The following ACSF3 variants were observed in gnomAD, a reference collection of about 807,000 sequenced individuals.
The protein encoded by ACSF3 is acyl-CoA synthetase family member 3.
A neutral mutation model predicts 53.2 loss-of-function variants in ACSF3; 78 were observed. The ratio of observed to expected loss-of-function variants is 1.47; its 90% CI spans 1.22 to 1.77. The LOEUF (loss-of-function observed/expected upper bound fraction) is 1.77, where lower values mean the gene tolerates loss of function less well. Among genes scored for constraint, ACSF3 ranks in the 40% most tolerant of loss-of-function variants. The pLI is 0.00. For missense variants in ACSF3, 937 were observed against 771.1 expected (o/e 1.22, Z -2.55); for synonymous variants, 414 against 333.1 (o/e 1.24, Z -2.65).
At chr16:89,145,426 G>T in intron 9 of ACSF3, 25 bp downstream of exon 9, 1 of 1,613,578 alleles carries the variant, frequency 6.2e-7, no homozygotes. Flanking sequence ...TTGGGCCAGG[G>T]AGGCCAGGCT....
At chr16:89,109,769 C>T (rs1976472657) in intron 4 of ACSF3, among the ~76,000 whole-genome samples, 1 of 152,042 alleles carries the variant, frequency 6.6e-6, no homozygotes, top group Non-Finnish European at 1.5e-5. Flanking sequence ...ATTATTTTTG[C>T]AGAAACAGAG....
intron 6 of ACSF3, 131 bp from the exon 7 acceptor site, chr16:89,120,670 C>G (rs1200379673): frequency 1.2e-6 from 1 of 861,700 alleles, no homozygotes; most frequent in Non-Finnish European, 2.0e-6. Flanking sequence ...TCACAGGGCA[C>G]GTCGCTCCCT....
intron 6 of ACSF3, among the ~76,000 whole-genome samples, chr16:89,120,531 G>T (rs1652093221): frequency 6.6e-6 from 1 of 152,262 alleles, no homozygotes; most frequent in South Asian, 2.1e-4. Context: ...GGCCCAGCGT[G>T]CCACGTGAGT....
In ACSF3 at chr16:89,142,237, A is replaced by G. The variant is rs541032805; in HGVS notation, c.1367-3030A>G. ...GGCCCAGGGAATGGACAACTCCCCAAGCTGCCCCCACCAGTCCTTCCTGAG... is the reference window on the plus strand; with the variant it reads ...GGCCCAGGGAATGGACAACTCCCCAGGCTGCCCCCACCAGTCCTTCCTGAG... On this transcript the variant is annotated intron_variant, in intron 8 of 10. Coordinates refer to ENST00000614302, the MANE Select transcript of ACSF3 (RefSeq NM_001243279.3). 2.0e-4 allele frequency among the ~76,000 whole-genome samples: 31 copies of G among 152,280 alleles called. No individual in the cohort carries two copies. The South Asian group carries it at 3.7e-3, about 18-fold the overall frequency.
intron 8 of ACSF3, among the ~76,000 whole-genome samples, chr16:89,140,331 C>T (rs775114583): frequency 2.0e-5 from 3 of 152,184 alleles, no homozygotes; most frequent in Non-Finnish European, 2.9e-5. Flanking sequence ...TGCCTCTGTA[C>T]ACACACAGGC....
chr16:89,141,095 A>T, intron 8 of ACSF3: 1 of 1,286,562 alleles, frequency 7.8e-7, no homozygotes, highest in East Asian at 5.6e-5. Flanking sequence ...GAGCCCTCTG[A>T]ACCTTCTGAG....
Position 89,154,462 on chromosome 16 carries a change from T to C in ACSF3, c.*255T>C, listed in dbSNP as rs1914499018. 3.2e-6 allele frequency: 2 copies of C among 628,476 alleles called. No individual in the cohort carries two copies. 38.9% of individuals were successfully genotyped at this position (628,476 alleles called of 1,614,324 possible). A position where few individuals can be genotyped will look rare whatever the true frequency, so the allele number is the denominator to read the frequency against. ...CGCCGACCTCATCTGTGCAGCGCGG[T>C]GCAGCCAGCCCCTGGCCCCACGTGC... On this transcript the variant is annotated 3_prime_UTR_variant, in exon 11 of 11. Coordinates refer to ENST00000614302, the MANE Select transcript of ACSF3 (RefSeq NM_001243279.3).
chr16:89,141,958 T>G (rs1260393159), intron 8 of ACSF3, among the ~76,000 whole-genome samples: 2 of 152,172 alleles, frequency 1.3e-5, no homozygotes, highest in Admixed American at 6.5e-5. Flanking sequence ...CTGCACTGAT[T>G]GGCTTCGCCC....
intron 8 of ACSF3, among the ~76,000 whole-genome samples, chr16:89,142,832 G>T (rs112298222): frequency 2.6e-5 from 4 of 152,348 alleles, no homozygotes; most frequent in African/African-American, 9.6e-5. Context: ...TAAGGAGACG[G>T]GGTCTCGCAG....
At chr16:89,134,924 A>G (rs991515993) in intron 8 of ACSF3, among the ~76,000 whole-genome samples, 1 of 152,120 alleles carries the variant, frequency 6.6e-6, no homozygotes, top group African/African-American at 2.4e-5. Context: ...GGATATTTGG[A>G]TAGCAGACGT....
chr16:89,120,102 G>C (rs375596290), intron 6 of ACSF3, among the ~76,000 whole-genome samples: 1 of 152,260 alleles, frequency 6.6e-6, no homozygotes, highest in African/African-American at 2.4e-5. Context: ...CAGGCAGAGC[G>C]AGGCTGCGGC....
Position 89,102,665 on chromosome 16 carries a change from C to T in ACSF3, c.728C>T (p.Pro243Leu), listed in dbSNP as rs140986055. 77 of 1,613,898 alleles carry T rather than the reference C, an allele frequency of 4.8e-5. No homozygotes were observed. In the African/African-American group the frequency reaches 7.6e-4, roughly 16 times the overall value. ...GACGACGTGATCCTCCACGTGCTCCCGCTGCACCACGTCCATGGTGTGGTC... is the reference window on the plus strand; with the variant it reads ...GACGACGTGATCCTCCACGTGCTCCTGCTGCACCACGTCCATGGTGTGGTC... ...TKDDVILHVL[P>L]LHHVHGVVNA... Residue 243 changes from proline (P) to leucine (L), a missense_variant, in exon 4 of 11, where the codon CCG becomes CTG. Transcript: ENST00000614302.
chr16:89,114,179 C>A, intron 5 of ACSF3, 160 bp from the exon 6 acceptor site: 1 of 909,918 alleles, frequency 1.1e-6, no homozygotes, highest in Non-Finnish European at 1.7e-6. Context: ...TCCCGGGTGT[C>A]GCACAGTGGT....
chr16:89,133,339 C>A, intron 8 of ACSF3, 77 bp downstream of exon 8: 2 of 1,593,260 alleles, frequency 1.3e-6, no homozygotes, highest in Non-Finnish European at 1.7e-6. Context: ...CGTTGAGTGA[C>A]ACCGAGGCTG....
At chr16:89,136,779 A>G (rs1414492798) in intron 8 of ACSF3, 1 of 1,287,272 alleles carries the variant, frequency 7.8e-7, no homozygotes, top group Admixed American at 2.3e-5. Flanking sequence ...CGGGCTTGTG[A>G]GGCCAGGGGT....
chr16:89,131,515 T>C (rs1383317541), intron 7 of ACSF3, among the ~76,000 whole-genome samples: 1 of 152,124 alleles, frequency 6.6e-6, no homozygotes, highest in Non-Finnish European at 1.5e-5. Flanking sequence ...TTTTCTGGTT[T>C]TTTCCCGTGT....
intron 2 of ACSF3, among the ~76,000 whole-genome samples, chr16:89,099,434 G>A (rs1459720163): frequency 6.6e-6 from 1 of 152,226 alleles, no homozygotes; most frequent in Admixed American, 6.5e-5. Flanking sequence ...GGAAAGGAGA[G>A]AATTATAGTT....
intron 10 of ACSF3, among the ~76,000 whole-genome samples, chr16:89,147,258 A>T (rs1246753181): frequency 1.6e-4 from 11 of 70,648 alleles, no homozygotes; most frequent in East Asian, 7.8e-4. Context: ...GGGGTCACAG[A>T]GTGAGTGAGG....
intron 2 of ACSF3, among the ~76,000 whole-genome samples, chr16:89,100,125 A>G (rs930902523): frequency 3.9e-5 from 6 of 152,248 alleles, no homozygotes; most frequent in African/African-American, 1.2e-4. Flanking sequence ...TGGGCGACAC[A>G]GCAAGACCCT....
Sources: allele counts gnomAD v4.1 joint callset (sites outside exome capture counted in the v4.1 genomes callset), GRCh38; gene constraint gnomAD v4.1.1; transcripts MANE v1.5; gene names NCBI Gene and HGNC (gene_info 2026-07-23, HGNC 2026-07-21).